Variants in IGFBP7 observed in about 807,000 individuals in gnomAD.
The protein encoded by IGFBP7 is insulin-like growth factor-binding protein 7.
A neutral mutation model predicts 29.4 loss-of-function variants in IGFBP7; 31 were observed. That is an observed-to-expected ratio of 1.05 (90% confidence interval 0.79 to 1.42). The LOEUF (loss-of-function observed/expected upper bound fraction) is 1.42. Among genes scored for constraint, IGFBP7 ranks in the 40% most tolerant of loss-of-function variants. The pLI is 0.00. For synonymous variants in IGFBP7, 172 were observed against 174.9 expected, an observed-to-expected ratio of 0.98 and a Z score of 0.13; for missense variants, 393 against 395.5, an observed-to-expected ratio of 0.99 and a Z score of 0.05.
chr4:57,098,230 AC>A (rs1251788301), intron 1 of IGFBP7, among the ~76,000 whole-genome samples: 1 of 152,134 alleles, frequency 6.6e-6, no homozygotes, highest in African/African-American at 2.4e-5. Context: ...ACCGAGCAGG[AC>A]TCACCATTTA....
chr4:57,108,928 G>A (rs1036463010), intron 1 of IGFBP7, among the ~76,000 whole-genome samples: 1 of 152,122 alleles, frequency 6.6e-6, no homozygotes, highest in African/African-American at 2.4e-5. Flanking sequence ...AGACATTTCT[G>A]CTGAACAGTG....
chr4:57,046,204 C>A (rs182261810), intron 1 of IGFBP7, among the ~76,000 whole-genome samples: 223 of 152,172 alleles, frequency 1.5e-3, no homozygotes, highest in African/African-American at 4.9e-3. Context: ...CCAGCCCCAA[C>A]AATGCTGCAC....
In IGFBP7 at chr4:57,103,801, G is replaced by C. The variant is rs563110761; in HGVS notation, c.475+6076C>G. Among the ~76,000 whole-genome samples, 4 of 151,202 alleles carry C rather than the reference G, an allele frequency of 2.6e-5. No individual in the cohort carries two copies. In the South Asian group the frequency reaches 8.4e-4, roughly 32 times the overall value. Reference sequence around the variant, plus strand: ...AGCCTACCAAGTAGCTGGGACTACAGGTGTGTGCCACCACACCCAGCTAAT... The same window carrying C: ...AGCCTACCAAGTAGCTGGGACTACACGTGTGTGCCACCACACCCAGCTAAT... On this transcript the variant is annotated intron_variant, in intron 1 of 4. Coordinates refer to ENST00000295666, the MANE Select transcript of IGFBP7 (RefSeq NM_001553.3).
intron 1 of IGFBP7, among the ~76,000 whole-genome samples, chr4:57,091,352 C>T (rs148321523): frequency 0.011 from 1,615 of 152,296 alleles, 14 homozygotes; most frequent in Non-Finnish European, 0.017. Flanking sequence ...GCTTCTGACA[C>T]TCAATTTTAG....
intron 1 of IGFBP7, among the ~76,000 whole-genome samples, chr4:57,065,174 G>A (rs1334430277): frequency 2.0e-5 from 3 of 152,244 alleles, no homozygotes; most frequent in East Asian, 1.9e-4. Context: ...GCCCACGCCA[G>A]GAGGCGGTCA....
chr4:57,052,655 A>AC (rs1400017510), intron 1 of IGFBP7, among the ~76,000 whole-genome samples: 1 of 152,064 alleles, frequency 6.6e-6, no homozygotes, highest in Non-Finnish European at 1.5e-5. Context: ...GCTTCCAGGC[A>AC]CGTATTTGCA....
chr4:57,058,767 G>C (rs2109763214), intron 1 of IGFBP7, among the ~76,000 whole-genome samples: 1 of 152,264 alleles, frequency 6.6e-6, no homozygotes. Flanking sequence ...TTAAACTTAA[G>C]AGCTTCTGCA....
At chr4:57,098,615 G>A (rs1205124245) in intron 1 of IGFBP7, among the ~76,000 whole-genome samples, 1 of 152,188 alleles carries the variant, frequency 6.6e-6, no homozygotes, top group Non-Finnish European at 1.5e-5. Context: ...GCCCTGGCCT[G>A]TCAAATATCT....
Position 57,093,620 on chromosome 4 carries a change from A to AT in IGFBP7, c.475+16256dup, listed in dbSNP as rs372177697. 3.0e-4 allele frequency among the ~76,000 whole-genome samples: 46 copies of AT among 150,942 alleles called. No homozygotes were observed. In the South Asian group the frequency reaches 9.4e-3, roughly 31 times the overall value. ...ATCAATAGGTCATTGCACCTATTAA[A>AT]TTTTTTTTTTACACATTTGCCAGGG... On this transcript the variant is annotated intron_variant, in intron 1 of 4. Coordinates refer to ENST00000295666, the MANE Select transcript of IGFBP7 (RefSeq NM_001553.3).
chr4:57,097,135 T>C (rs1174076067), intron 1 of IGFBP7, among the ~76,000 whole-genome samples: 1 of 152,216 alleles, frequency 6.6e-6, no homozygotes, highest in African/African-American at 2.4e-5. Flanking sequence ...TGGTAGAATA[T>C]CCAGGGAGGA....
At chr4:57,070,518 CA>C (rs1725029871) in intron 1 of IGFBP7, among the ~76,000 whole-genome samples, 1 of 152,186 alleles carries the variant, frequency 6.6e-6, no homozygotes, top group Non-Finnish European at 1.5e-5. Context: ...GAAAAAAGTG[CA>C]AACCATTTAA....
rs149098744 is a variant in IGFBP7 at position 57,065,075 on chromosome 4, C to T, written c.476-24142G>A. ...CCAGGGAAGTAATTCCCCCAGTTCC[C>T]CTGAGCCTTGGATCTGGAAAACTGC... On this transcript the variant is annotated intron_variant, in intron 1 of 4. Transcript: ENST00000295666. Among the ~76,000 whole-genome samples the T allele has an allele frequency of 5.8e-3, 879 of 152,328 alleles. 9 individuals carry two copies. The highest frequency in any genetic ancestry group is 0.02 in the African/African-American group (842 of 41,572).
rs1251521172 is a variant in IGFBP7 at position 57,069,519 on chromosome 4, CCTT to C, written c.476-28589_476-28587del. Among the ~76,000 whole-genome samples the C allele has an allele frequency of 2.6e-5, 4 of 152,288 alleles. No individual in the cohort carries two copies. In the East Asian group the frequency reaches 5.8e-4, roughly 22 times the overall value. ...TTTAAGTTTTCCTTAGATGGTCTGTCCTTCTGTGGTGGCACCTGCCTGTAGTCA... is the reference window on the plus strand; with the variant it reads ...TTTAAGTTTTCCTTAGATGGTCTGTCCTGTGGTGGCACCTGCCTGTAGTCA... On this transcript the variant is annotated intron_variant, in intron 1 of 4. Coordinates refer to ENST00000295666, the MANE Select transcript of IGFBP7 (RefSeq NM_001553.3).
At position 57,032,514 on chromosome 4, in the gene IGFBP7, C is replaced by G; in HGVS notation, c.741G>C (p.Glu247Asp). Residue 247 changes from glutamate (E) to aspartate (D), a missense_variant, in exon 4 of 5, where the codon GAG becomes GAC. Coordinates refer to ENST00000295666, the MANE Select transcript of IGFBP7 (RefSeq NM_001553.3). ...GTCCTTGGGAATTGGATGCATGGCA[C>G]TCATATTCTCCAGCATCTTCCTTAC... ...PLSKEDAGEYECHASNSQGQA... is the reference protein window; with the variant it reads ...PLSKEDAGEYDCHASNSQGQA... 1 of 1,613,988 alleles carries G rather than the reference C, an allele frequency of 6.2e-7. No homozygotes were observed. Among genetic ancestry groups the G allele is most frequent in the Non-Finnish European group, 8.5e-7 (1 of 1,179,886 alleles).
chr4:57,079,402 TG>T, intron 1 of IGFBP7, among the ~76,000 whole-genome samples: 1 of 151,224 alleles, frequency 6.6e-6, no homozygotes, highest in East Asian at 1.9e-4. Flanking sequence ...TGAACAGCCA[TG>T]GGAAAAAAAA....
intron 1 of IGFBP7, among the ~76,000 whole-genome samples, chr4:57,093,405 C>T (rs76411688): frequency 0.08 from 12,069 of 151,364 alleles, 610 homozygotes; most frequent in South Asian, 0.13. Context: ...GAGGCTGAGG[C>T]GGGAGAATCG....
chr4:57,067,670 T>C (rs1246984934), intron 1 of IGFBP7, among the ~76,000 whole-genome samples: 1 of 152,194 alleles, frequency 6.6e-6, no homozygotes, highest in African/African-American at 2.4e-5. Flanking sequence ...GCAGATTTCA[T>C]ATTATGTGTT....
intron 4 of IGFBP7, among the ~76,000 whole-genome samples, chr4:57,031,573 T>G (rs750228463): frequency 6.6e-6 from 1 of 152,108 alleles, no homozygotes; most frequent in Non-Finnish European, 1.5e-5. Flanking sequence ...GTACATCTTA[T>G]TATAGAACTG....
chr4:57,061,633 T>C (rs1301500803), intron 1 of IGFBP7, among the ~76,000 whole-genome samples: 1 of 152,152 alleles, frequency 6.6e-6, no homozygotes, highest in Non-Finnish European at 1.5e-5. Flanking sequence ...GGGTGAGATT[T>C]CATCACGCTA....
Sources: allele counts gnomAD v4.1 joint callset (sites outside exome capture counted in the v4.1 genomes callset), GRCh38; gene constraint gnomAD v4.1.1; transcripts MANE v1.5; gene names NCBI Gene and HGNC (gene_info 2026-07-23, HGNC 2026-07-21).